Variants in IQCH observed in about 807,000 individuals in gnomAD.
IQCH encodes IQ motif containing H, also known as IQ domain-containing protein H.
Under a neutral mutation model 117.0 loss-of-function variants are expected in IQCH, and 98 were observed. The observed-to-expected ratio is 0.84, with a 90% CI of 0.71 to 0.99. The LOEUF is 0.99. IQCH is among the 50% of genes least tolerant of loss of function. The pLI is 0.00. For missense variants in IQCH, 1,102 were observed against 1,243.8 expected, an observed-to-expected ratio of 0.89 and a Z score of 1.72; for synonymous variants, 412 against 448.2, an observed-to-expected ratio of 0.92 and a Z score of 1.02.
At chr15:67,367,172 C>T (rs1970362915) in intron 8 of IQCH, among the ~76,000 whole-genome samples, 1 of 152,130 alleles carries the variant, frequency 6.6e-6, no homozygotes, top group South Asian at 2.1e-4. Context: ...TTCTGATACA[C>T]CACACTATGT....
chr15:67,262,833 C>G (rs1965514264), intron 2 of IQCH, among the ~76,000 whole-genome samples: 1 of 151,936 alleles, frequency 6.6e-6, no homozygotes, highest in South Asian at 2.1e-4. Context: ...TGCAGTGAGA[C>G]ATCACTCCAC....
In IQCH at chr15:67,466,082, T is replaced by G. The variant is rs2082925585; in HGVS notation, c.2676+785T>G. On this transcript the variant is annotated intron_variant, in intron 17 of 20. Coordinates refer to ENST00000335894, the MANE Select transcript of IQCH (RefSeq NM_001031715.3). This position sits in a 1 kb window ranked among gnomAD's most constrained non-coding sequence, Gnocchi z 4.4. Reference sequence around the variant, plus strand: ...AGCTTGGTTAAGGAGCCCCATCATGTTCCACCTCTTCCCACAGCTGCCGCC... The same window carrying G: ...AGCTTGGTTAAGGAGCCCCATCATGGTCCACCTCTTCCCACAGCTGCCGCC... 6.6e-6 allele frequency among the ~76,000 whole-genome samples: 1 copy of G among 152,216 alleles called. No individual in the cohort carries two copies. The highest frequency in any genetic ancestry group is 1.5e-5 in the Non-Finnish European group (1 of 68,038).
At position 67,433,326 on chromosome 15, in the gene IQCH, T is replaced by C. The variant is rs1296016075; in HGVS notation, c.2505+11749T>C. Reference sequence around the variant, plus strand: ...ATTTTTCCAGTGAAAATTACAATTCTGTTTCTTAACACTGATAGTGCAGGT... The same window carrying C: ...ATTTTTCCAGTGAAAATTACAATTCCGTTTCTTAACACTGATAGTGCAGGT... On this transcript the variant is annotated intron_variant, in intron 16 of 20. Transcript: ENST00000335894. The surrounding 1 kb of genome is among the most constrained non-coding windows in gnomAD (Gnocchi z 5.4). 6.6e-6 allele frequency among the ~76,000 whole-genome samples: 1 copy of C among 152,252 alleles called. No homozygotes were observed. The highest frequency in any genetic ancestry group is 6.5e-5 in the Admixed American group (1 of 15,288).
rs1659570198 is a variant in IQCH at position 67,436,950 on chromosome 15, T to C, written c.2505+15373T>C. ...CACGCGTAGCCCCACCCCCACCTGA[T>C]GGTCCTTCCCTATCCACCCTGGTAG... On this transcript the variant is annotated intron_variant, in intron 16 of 20. Transcript: ENST00000335894. The surrounding 1 kb of genome is among the most constrained non-coding windows in gnomAD (Gnocchi z 5.1). Among the ~76,000 whole-genome samples, 1 of 146,052 alleles carries C rather than the reference T, an allele frequency of 6.8e-6. No homozygotes were observed. The highest frequency in any genetic ancestry group is 1.5e-5 in the Non-Finnish European group (1 of 66,508).
intron 4 of IQCH, among the ~76,000 whole-genome samples, chr15:67,313,824 T>G (rs963838606): frequency 1.3e-5 from 2 of 152,192 alleles, no homozygotes; most frequent in African/African-American, 4.8e-5. Context: ...AAGGGCAACT[T>G]TAGAATTCTT....
chr15:67,301,401 G>GTTTT lies in IQCH; in HGVS notation c.387+21912_387+21915dup, dbSNP rs10663973. Among the ~76,000 whole-genome samples the GTTTT allele has an allele frequency of 8.1e-4, 61 of 75,374 alleles. 6 individuals carry two copies. The highest frequency in any genetic ancestry group is 1.2e-3 in the African/African-American group (22 of 18,320). The allele number at this position is 75,374 out of a possible 152,430, so 49.4% of individuals were successfully genotyped here. A position where few individuals can be genotyped will look rare whatever the true frequency, so the allele number is the denominator to read the frequency against. On this transcript the variant is annotated intron_variant, in intron 4 of 20. Transcript: ENST00000335894. Reference sequence around the variant, plus strand: ...TTCAGTGAAACATTTGTTATGTTAAGTTTTTTTTTTTTTTTTTTTTTTTTT... The same window carrying GTTTT: ...TTCAGTGAAACATTTGTTATGTTAAGTTTTTTTTTTTTTTTTTTTTTTTTTTTTT...
rs1445743100 is a variant in IQCH, at chr15:67,490,062, G to A, written c.2859G>A (p.Met953Ile). ...YEHLKRHKLG[M>I]LTIGEDLQGV... ...ACCTGAAGAGACACAAGTTGGGAAT[G>A]TTGTGAGTATGAAGTGTATCTGTGA... is the stretch of plus-strand genomic sequence containing the variant. The change falls in exon 19 of 21, where the codon ATG becomes ATA. Residue 953 changes from methionine (M) to isoleucine (I), a missense_variant and splice_region_variant. Coordinates refer to ENST00000335894, the MANE Select transcript of IQCH (RefSeq NM_001031715.3). This position sits in a 1 kb window ranked among gnomAD's most constrained non-coding sequence, Gnocchi z 4.9. 6.2e-7 allele frequency: 1 copy of A among 1,605,610 alleles called. No individual in the cohort carries two copies. The highest frequency in any genetic ancestry group is 8.5e-7 in the Non-Finnish European group (1 of 1,173,436).
In IQCH at chr15:67,344,388, T is replaced by A. The variant is rs565598723; in HGVS notation, c.637+197T>A. 3.6e-3 allele frequency among the ~76,000 whole-genome samples: 547 copies of A among 152,366 alleles called. 5 individuals carry two copies. The highest frequency in any genetic ancestry group is 0.012 in the African/African-American group (514 of 41,598). On this transcript the variant is annotated intron_variant, in intron 6 of 20. Coordinates refer to ENST00000335894, the MANE Select transcript of IQCH (RefSeq NM_001031715.3). Reference sequence around the variant, plus strand: ...TTTACAATATATTTCCATTTCACTTTGAGCACTATCAGTTTTCATTCTTCT... The same window carrying A: ...TTTACAATATATTTCCATTTCACTTAGAGCACTATCAGTTTTCATTCTTCT...
intron 20 of IQCH, among the ~76,000 whole-genome samples, chr15:67,499,889 A>G (rs1209946222): frequency 6.6e-6 from 1 of 152,200 alleles, no homozygotes; most frequent in Non-Finnish European, 1.5e-5. Context: ...GTATGGTTTC[A>G]TTTATATGAA....
chr15:67,454,259 C>G lies in IQCH; in HGVS notation c.2506-10868C>G, dbSNP rs577040177. 6.6e-6 allele frequency among the ~76,000 whole-genome samples: 1 copy of G among 152,124 alleles called. No individual in the cohort carries two copies. The highest frequency in any genetic ancestry group is 2.4e-5 in the African/African-American group (1 of 41,432). ...ATCCTGCGCCTACTGTCTGGCACTCCCCAGTGAGATGAACCCGGTACCTCA... is the reference window on the plus strand; with the variant it reads ...ATCCTGCGCCTACTGTCTGGCACTCGCCAGTGAGATGAACCCGGTACCTCA... On this transcript the variant is annotated intron_variant, in intron 16 of 20. Transcript: ENST00000335894. The surrounding 1 kb of genome is among the most constrained non-coding windows in gnomAD (Gnocchi z 5.2).
At chr15:67,357,888 C>G (rs1289706791) in intron 7 of IQCH, among the ~76,000 whole-genome samples, 1 of 151,972 alleles carries the variant, frequency 6.6e-6, no homozygotes. Context: ...CAGAGTCTCA[C>G]TTACTCTGTT....
At chr15:67,287,895 C>T (rs1966621577) in intron 4 of IQCH, among the ~76,000 whole-genome samples, 1 of 151,966 alleles carries the variant, frequency 6.6e-6, no homozygotes, top group Admixed American at 6.6e-5. Context: ...AAACTTCCCT[C>T]TTAGCATTGC....
intron 4 of IQCH, among the ~76,000 whole-genome samples, chr15:67,330,120 T>C (rs565161336): frequency 7.2e-5 from 11 of 152,080 alleles, no homozygotes; most frequent in Non-Finnish European, 1.3e-4. Flanking sequence ...GTAGAGTCAG[T>C]AGGTTCCTAT....
rs961493083 is a variant in IQCH at position 67,431,629 on chromosome 15, C to T, written c.2505+10052C>T. Among the ~76,000 whole-genome samples the T allele has an allele frequency of 4.6e-5, 7 of 151,948 alleles. No individual in the cohort carries two copies. The highest frequency in any genetic ancestry group is 1.0e-4 in the Non-Finnish European group (7 of 67,986). ...AGCAAACCTGCACACGTACCCCGAA[C>T]TTAAAAGTTAAAAAAAAACACACAT... On this transcript the variant is annotated intron_variant, in intron 16 of 20. Coordinates refer to ENST00000335894, the MANE Select transcript of IQCH (RefSeq NM_001031715.3). The surrounding 1 kb of genome is among the most constrained non-coding windows in gnomAD (Gnocchi z 4.8).
At chr15:67,325,217 T>A (rs1033274224) in intron 4 of IQCH, among the ~76,000 whole-genome samples, 2 of 152,206 alleles carry the variant, frequency 1.3e-5, no homozygotes, top group African/African-American at 4.8e-5. Flanking sequence ...TAATTTTTTA[T>A]TTGAAATATT....
chr15:67,304,507 C>A, intron 4 of IQCH: 1 of 881,514 alleles, frequency 1.1e-6, no homozygotes, highest in Non-Finnish European at 1.7e-6. Context: ...AAATAAAAGT[C>A]ATTTATTAGT....
intron 3 of IQCH, among the ~76,000 whole-genome samples, chr15:67,266,582 G>A (rs1965682117): frequency 6.6e-6 from 1 of 152,136 alleles, no homozygotes; most frequent in African/African-American, 2.4e-5. Flanking sequence ...GCGTGAACCC[G>A]GGAGGCAGAG....
chr15:67,284,253 A>G (rs1293127205), intron 4 of IQCH, among the ~76,000 whole-genome samples: 1 of 152,100 alleles, frequency 6.6e-6, no homozygotes, highest in East Asian at 1.9e-4. Flanking sequence ...GAGTTCAACT[A>G]TTTTAATTTT....
rs1028595672 is a variant in IQCH, at chr15:67,436,348, C to T, written c.2505+14771C>T. On this transcript the variant is annotated intron_variant, in intron 16 of 20. Coordinates refer to ENST00000335894, the MANE Select transcript of IQCH (RefSeq NM_001031715.3). This position sits in a 1 kb window ranked among gnomAD's most constrained non-coding sequence, Gnocchi z 5.1. ...TGCTGGAGAAGTTTCTCACTTTACC[C>T]GGAGCTGAGTCAATTTAGAGAGCCA... is the stretch of plus-strand genomic sequence containing the variant. Among the ~76,000 whole-genome samples the T allele has an allele frequency of 2.0e-5, 3 of 152,060 alleles. No homozygotes were observed. The highest frequency in any genetic ancestry group is 4.4e-5 in the Non-Finnish European group (3 of 68,010).
Sources: gnomAD v4.1 joint callset for allele counts (sites outside exome capture counted in the v4.1 genomes callset) on GRCh38, gnomAD v4.1.1 for gene constraint, Gnocchi (gnomAD v3.1) non-coding constraint, MANE v1.5 for transcripts, NCBI Gene and HGNC (gene_info 2026-07-23, HGNC 2026-07-21) for gene names.